The following SEPTIN8 variants were observed in gnomAD, a reference collection of about 807,000 sequenced individuals.
SEPTIN8 encodes septin-8.
Under a neutral mutation model 53.1 loss-of-function variants are expected in SEPTIN8, and 22 were observed. That is an observed-to-expected ratio of 0.41 (90% CI 0.30 to 0.59). SEPTIN8 has a LOEUF of 0.59. SEPTIN8 is among the 20% of genes least tolerant of loss of function. SEPTIN8 has a pLI of 0.24. For synonymous variants in SEPTIN8, 228 were observed against 248.4 expected (o/e 0.92, Z 0.77); for missense variants, 536 against 638.7 (o/e 0.84, Z 1.73).
rs1330484216 is a variant in SEPTIN8 at position 132,770,159 on chromosome 5, A to ATATATATG, written c.31-4638_31-4631dup. Among the ~76,000 whole-genome samples, 97 of 127,144 alleles carry ATATATATG rather than the reference A, an allele frequency of 7.6e-4. 1 individual carries two copies. Among genetic ancestry groups the ATATATATG allele is most frequent in the Non-Finnish European group, 1.3e-3 (86 of 65,032 alleles). 83.4% of individuals were successfully genotyped at this position (127,144 alleles called of 152,430 possible). A position where few individuals can be genotyped will look rare whatever the true frequency, so the allele number is the denominator to read the frequency against. ...TGTATGTGTGTGTATATATATATATATATATATGTATATATGTATATATAT... is the reference window on the plus strand; with the variant it reads ...TGTATGTGTGTGTATATATATATATATATATATGTATATATGTATATATGTATATATAT... On this transcript the variant is annotated intron_variant, in intron 1 of 9. Transcript: ENST00000378719.
intron 9 of SEPTIN8, chr5:132,759,023 T>C (rs1001042218): frequency 2.8e-6 from 2 of 716,386 alleles, no homozygotes; most frequent in African/African-American, 1.7e-5. Context: ...TGGGAAGTAA[T>C]TTTGCAAAAA....
intron 9 of SEPTIN8, chr5:132,758,190 C>T: frequency 8.8e-7 from 1 of 1,133,710 alleles, no homozygotes; most frequent in East Asian, 5.0e-5. Context: ...ATATGATAGG[C>T]ATACTTTATA....
chr5:132,766,404 C>A (rs1335820226), intron 1 of SEPTIN8, among the ~76,000 whole-genome samples: 1 of 152,198 alleles, frequency 6.6e-6, no homozygotes, highest in Non-Finnish European at 1.5e-5. Context: ...CTGGAGGTGG[C>A]CCACCGCTCT....
At position 132,762,516 on chromosome 5, in the gene SEPTIN8, C is replaced by T. The variant is rs1756088309; in HGVS notation, c.664G>A (p.Glu222Lys). 7.4e-6 allele frequency: 12 copies of T among 1,614,262 alleles called. No individual in the cohort carries two copies. Among genetic ancestry groups the T allele is most frequent in the Non-Finnish European group, 1.0e-5 (12 of 1,180,044 alleles). ...ACTGCGTTAATCTCTGCAACAGCCT[C>T]ATCATCCGTGGGGAACTGGTAGATC... ...VQIYQFPTDD[E>K]AVAEINAVMN... The change falls in exon 5 of 10, where the codon GAG becomes AAG. Residue 222 changes from glutamate to lysine, a missense_variant. Glu to Lys is a moderately conservative substitution (Grantham distance 56). Coordinates refer to ENST00000378719, the MANE Select transcript of SEPTIN8 (RefSeq NM_001098811.2).
Position 132,752,256 on chromosome 5 carries a change from C to T in SEPTIN8, c.1287-75G>A, listed in dbSNP as rs73787056. On this transcript the variant is annotated intron_variant, in intron 9 of 9. Coordinates refer to ENST00000378719, the MANE Select transcript of SEPTIN8 (RefSeq NM_001098811.2). ...GTTTTGCCCCTTTAGCTGACACACT[C>T]TGACCCCAAAGGGGTACCCTTTGCC... 3,024 of 1,509,072 alleles carry T rather than the reference C, an allele frequency of 2.0e-3. 74 individuals are homozygous for T. The African/African-American group carries it at 0.037, about 18-fold the overall frequency. 93.5% of individuals were successfully genotyped at this position (1,509,072 alleles called of 1,614,324 possible). A position where few individuals can be genotyped will look rare whatever the true frequency, so the allele number is the denominator to read the frequency against.
chr5:132,760,346 C>A lies in SEPTIN8; in HGVS notation c.1286+456G>T, dbSNP rs1291964041. 6.6e-6 allele frequency among the ~76,000 whole-genome samples: 1 copy of A among 152,134 alleles called. No individual in the cohort carries two copies. The highest frequency in any genetic ancestry group is 1.9e-4 in the East Asian group (1 of 5,154). ...CCTGTCCCGCCCCTGGCCTGAAAGA[C>A]CATTCCCAGCATTCCCAGAGCCCTG... On this transcript the variant is annotated intron_variant, in intron 9 of 9. Coordinates refer to ENST00000378719, the MANE Select transcript of SEPTIN8 (RefSeq NM_001098811.2). The surrounding 1 kb of genome is among the most constrained non-coding windows in gnomAD (Gnocchi z 5.2).
chr5:132,752,810 A>G (rs1265432240), intron 9 of SEPTIN8: 2 of 1,517,244 alleles, frequency 1.3e-6, no homozygotes, highest in Admixed American at 1.7e-5. Context: ...TCAATTGCCA[A>G]TTTCTTAGAA....
At chr5:132,762,730 A>G (rs1756119511) in intron 4 of SEPTIN8, 85 bp from the exon 5 acceptor site, 5 of 1,434,904 alleles carry the variant, frequency 3.5e-6, no homozygotes, top group Non-Finnish European at 4.9e-6. Flanking sequence ...ATGGATAGAC[A>G]TGCCCAGGCC....
At chr5:132,770,059 GTGTGTATA>G (rs1388255632) in intron 1 of SEPTIN8, among the ~76,000 whole-genome samples, 21 of 77,628 alleles carry the variant, frequency 2.7e-4, no homozygotes, top group Non-Finnish European at 5.7e-4. Flanking sequence ...GTGTGTGTGT[GTGTGTATA>G]TATATATATA....
At chr5:132,758,524 G>A in intron 9 of SEPTIN8, 1 of 1,613,554 alleles carries the variant, frequency 6.2e-7, no homozygotes, top group Non-Finnish European at 8.5e-7. Context: ...TCAGGGAATA[G>A]TGACACTGTA....
chr5:132,764,493 G>T, intron 2 of SEPTIN8, 74 bp from the exon 3 acceptor site: 1 of 1,281,730 alleles, frequency 7.8e-7, no homozygotes, highest in African/African-American at 1.5e-5. Flanking sequence ...CTGGTGGCTA[G>T]GCCAGGCAGG....
At position 132,752,885 on chromosome 5, in the gene SEPTIN8, G is replaced by A. The variant is rs113053342; in HGVS notation, c.1287-704C>T. 101 of 1,613,900 alleles carry A rather than the reference G, an allele frequency of 6.3e-5. No homozygotes were observed. The African/African-American group carries it at 1.2e-3, about 19-fold the overall frequency. On this transcript the variant is annotated intron_variant, in intron 9 of 9. Coordinates refer to ENST00000378719, the MANE Select transcript of SEPTIN8 (RefSeq NM_001098811.2). ...ATACAGGTTGGTGATATGCAGTACA[G>A]CTGCTGCAAGGAACTTGTAATGCAG...
chr5:132,752,407 T>G (rs1754925746), intron 9 of SEPTIN8, among the ~76,000 whole-genome samples: 1 of 152,260 alleles, frequency 6.6e-6, no homozygotes, highest in African/African-American at 2.4e-5. Flanking sequence ...ACTGGACCAA[T>G]GGGGGTGGTC....
At chr5:132,779,918 A>G (rs1394091489), upstream of SEPTIN8, among the ~76,000 whole-genome samples, 1 of 152,238 alleles carries the variant, frequency 6.6e-6, no homozygotes, top group Non-Finnish European at 1.5e-5. Flanking sequence ...CAGCTGCTTC[A>G]ACAAGATAGA....
chr5:132,770,057 GTGTGTGTATA>G (rs1757086404), intron 1 of SEPTIN8, among the ~76,000 whole-genome samples: 3 of 79,548 alleles, frequency 3.8e-5, no homozygotes, highest in South Asian at 3.6e-4. Context: ...GTGTGTGTGT[GTGTGTGTATA>G]TATATATATA....
intron 1 of SEPTIN8, among the ~76,000 whole-genome samples, chr5:132,771,804 T>A (rs1274971373): frequency 2.0e-5 from 3 of 149,224 alleles, no homozygotes; most frequent in African/African-American, 7.5e-5. Context: ...AGGCTTCGGC[T>A]CTGGTCCCAG....
At position 132,761,846 on chromosome 5, in the gene SEPTIN8, C is replaced by A; in HGVS notation, c.747G>T (p.Gly249=). Residue 249 remains glycine (G), a synonymous_variant, in exon 6 of 10, where the codon GGG becomes GGT. Coordinates refer to ENST00000378719, the MANE Select transcript of SEPTIN8 (RefSeq NM_001098811.2). The surrounding 1 kb of genome is among the most constrained non-coding windows in gnomAD (Gnocchi z 5.8). Reference sequence around the variant, plus strand: ...ACTGCCGTGCTCGGACCAGCTTGTTCCCCACCTTCACCTCCTCGGTGCTGC... The same window carrying A: ...ACTGCCGTGCTCGGACCAGCTTGTTACCCACCTTCACCTCCTCGGTGCTGC... ...VVGSTEEVKV[G]NKLVRARQYP... The A allele has an allele frequency of 6.2e-7, 1 of 1,608,310 alleles. No homozygotes were observed. The highest frequency in any genetic ancestry group is 8.5e-7 in the Non-Finnish European group (1 of 1,177,404).
At chr5:132,770,294 TCAGACTCCCCA>T (rs1232275265) in intron 1 of SEPTIN8, among the ~76,000 whole-genome samples, 1 of 151,004 alleles carries the variant, frequency 6.6e-6, no homozygotes, top group Non-Finnish European at 1.5e-5. Context: ...TTCTCATGCC[TCAGACTCCCCA>T]GTAGCTGGGA....
intron 9 of SEPTIN8, chr5:132,758,956 C>G: frequency 1.2e-6 from 1 of 859,174 alleles, no homozygotes; most frequent in Non-Finnish European, 2.0e-6. Context: ...TTGTGACGAG[C>G]AAAGCAGAGA....
Sources: allele counts gnomAD v4.1 joint callset (sites outside exome capture counted in the v4.1 genomes callset), GRCh38; gene constraint gnomAD v4.1.1; non-coding constraint Gnocchi (gnomAD v3.1); transcripts MANE v1.5; gene names NCBI Gene and HGNC (gene_info 2026-07-23, HGNC 2026-07-21).